The following BCAR3 variants were observed in gnomAD, a reference collection of about 807,000 sequenced individuals.
BCAR3 encodes BCAR3 adaptor protein, NSP family member.
BCAR3 carries 37 observed loss-of-function variants against 80.1 expected under a neutral mutation model. The ratio of observed to expected loss-of-function variants is 0.46; its 90% CI spans 0.36 to 0.61. The LOEUF is 0.61. BCAR3 is among the 20% of genes least tolerant of loss of function. The pLI, the probability that BCAR3 is intolerant of heterozygous loss-of-function variation, is 0.00. For synonymous variants in BCAR3, 389 were observed against 418.9 expected (o/e 0.93, Z 0.87); for missense variants, 978 against 1,068.2 (o/e 0.92, Z 1.18).
At chr1:93,803,786 A>C (rs1330143785) in intron 2 of BCAR3, among the ~76,000 whole-genome samples, 1 of 152,242 alleles carries the variant, frequency 6.6e-6, no homozygotes, top group African/African-American at 2.4e-5. Flanking sequence ...AACACTGAGA[A>C]GGCGTCCCCA....
chr1:93,595,826 T>C (rs939408225), intron 3 of BCAR3, among the ~76,000 whole-genome samples: 1 of 152,260 alleles, frequency 6.6e-6, no homozygotes, highest in Non-Finnish European at 1.5e-5. Context: ...ATGAGATTCC[T>C]GCTTCATAGC....
chr1:93,620,746 CCTT>C (rs1675281492), intron 3 of BCAR3, among the ~76,000 whole-genome samples: 1 of 152,154 alleles, frequency 6.6e-6, no homozygotes, highest in Non-Finnish European at 1.5e-5. Context: ...CATGCCGACT[CCTT>C]CATATTTCCC....
intron 3 of BCAR3, among the ~76,000 whole-genome samples, chr1:93,609,487 C>G (rs1001359789): frequency 2.0e-5 from 3 of 152,188 alleles, no homozygotes; most frequent in Non-Finnish European, 4.4e-5. Context: ...CTGACACAGG[C>G]ACCCCTGACC....
intron 2 of BCAR3, among the ~76,000 whole-genome samples, chr1:93,812,459 T>C (rs1653881633): frequency 6.6e-6 from 1 of 152,126 alleles, no homozygotes; most frequent in African/African-American, 2.4e-5. Context: ...TGGTCCAAAC[T>C]CCTGACCTGG....
chr1:93,600,958 CCCTCTGT>C (rs1271497790), intron 3 of BCAR3, among the ~76,000 whole-genome samples: 1 of 152,178 alleles, frequency 6.6e-6, no homozygotes, highest in Non-Finnish European at 1.5e-5. Context: ...CACTTGCTTG[CCCTCTGT>C]CTAGCAGGTT....
chr1:93,822,425 T>G (rs995302249), intron 2 of BCAR3, among the ~76,000 whole-genome samples: 4 of 151,780 alleles, frequency 2.6e-5, no homozygotes, highest in Non-Finnish European at 4.4e-5. Context: ...CTGCAACCTC[T>G]GTCTCCCAGG....
intron 2 of BCAR3, among the ~76,000 whole-genome samples, chr1:93,730,613 G>T (rs1162016668): frequency 6.6e-6 from 1 of 152,204 alleles, no homozygotes; most frequent in Non-Finnish European, 1.5e-5. Flanking sequence ...AAAACCCCCA[G>T]GGTATGGCCC....
Position 93,704,878 on chromosome 1 carries a change from C to A in BCAR3, c.-12+1214G>T, listed in dbSNP as rs886851322. ...TTCATGGTTTACTTACCTTCAAGGA[C>A]TATGGCAGGTTTTGTCTTTTTCCTA... is the stretch of plus-strand genomic sequence containing the variant. On this transcript the variant is annotated intron_variant, in intron 3 of 13. Coordinates refer to the BCAR3 transcript ENST00000370244. Among the ~76,000 whole-genome samples, 34 of 152,300 alleles carry A rather than the reference C, an allele frequency of 2.2e-4. 4 individuals are homozygous for A. The highest frequency in any genetic ancestry group is 1.1e-3 in the Admixed American group (17 of 15,294).
At chr1:93,721,270 C>T (rs1300888429) in intron 2 of BCAR3, among the ~76,000 whole-genome samples, 2 of 152,258 alleles carry the variant, frequency 1.3e-5, no homozygotes, top group South Asian at 2.1e-4. Flanking sequence ...GGCTCAGAAT[C>T]CTTGGGAACA....
chr1:93,589,512 GACAA>G, intron 4 of BCAR3, 93 bp from the exon 5 acceptor site: 1 of 1,087,036 alleles, frequency 9.2e-7, no homozygotes, highest in Non-Finnish European at 1.3e-6. Context: ...GCCAACAGAA[GACAA>G]TGCTACTATG....
intron 3 of BCAR3, among the ~76,000 whole-genome samples, chr1:93,689,909 T>C (rs967495125): frequency 6.6e-6 from 1 of 152,218 alleles, no homozygotes; most frequent in Admixed American, 6.5e-5. Context: ...TGCTTGGATG[T>C]ACCAACTCAG....
intron 2 of BCAR3, among the ~76,000 whole-genome samples, chr1:93,832,156 T>C (rs1195016617): frequency 1.3e-5 from 2 of 152,164 alleles, no homozygotes; most frequent in African/African-American, 4.8e-5. Context: ...AACTTCGCCT[T>C]CAAGGTGTAC....
intron 2 of BCAR3, among the ~76,000 whole-genome samples, chr1:93,714,502 A>C (rs1329858909): frequency 2.0e-5 from 3 of 152,198 alleles, no homozygotes; most frequent in Non-Finnish European, 4.4e-5. Flanking sequence ...GTCCAGGGTC[A>C]CCACAGCCCA....
At chr1:93,806,643 G>A (rs530086392) in intron 2 of BCAR3, among the ~76,000 whole-genome samples, 2 of 152,218 alleles carry the variant, frequency 1.3e-5, no homozygotes, top group Middle Eastern at 3.4e-3. Flanking sequence ...TCTAGAGAAA[G>A]CCCTTCTCAG....
At chr1:93,834,084 T>A (rs1461473558) in intron 2 of BCAR3, among the ~76,000 whole-genome samples, 2 of 152,116 alleles carry the variant, frequency 1.3e-5, no homozygotes, top group Non-Finnish European at 2.9e-5. Context: ...TCCGTTTGGG[T>A]TCCCTGACTT....
intron 5 of BCAR3, 113 bp downstream of exon 5, chr1:93,588,864 C>T: frequency 8.5e-7 from 1 of 1,181,098 alleles, no homozygotes; most frequent in Non-Finnish European, 1.2e-6. Context: ...GAACAGTCGG[C>T]ATTCCTATTA....
At chr1:93,567,069 A>G (rs1054516785) in intron 11 of BCAR3, among the ~76,000 whole-genome samples, 3 of 152,156 alleles carry the variant, frequency 2.0e-5, no homozygotes, top group Non-Finnish European at 4.4e-5. Flanking sequence ...ATTCTATACC[A>G]TTGAACAACA....
upstream of BCAR3, chr1:93,847,775 A>T (rs1328408023): frequency 7.3e-6 from 1 of 137,382 alleles, no homozygotes; most frequent in Non-Finnish European, 1.6e-5. Flanking sequence ...AGTTCACTGC[A>T]TTCGGTTCTT....
chr1:93,812,747 C>T (rs1224120077), intron 2 of BCAR3, among the ~76,000 whole-genome samples: 1 of 152,226 alleles, frequency 6.6e-6, no homozygotes, highest in Non-Finnish European at 1.5e-5. Context: ...GGGCTGGACA[C>T]AATCATCTGC....
Sources: gnomAD v4.1 joint callset for allele counts (sites outside exome capture counted in the v4.1 genomes callset) on GRCh38, gnomAD v4.1.1 for gene constraint, MANE v1.5 for transcripts, NCBI Gene and HGNC (gene_info 2026-07-23, HGNC 2026-07-21) for gene names.